PDXK: variants seen among roughly 807,000 people sequenced by gnomAD.
PDXK encodes the protein pyridoxal kinase, also known as epididymis secretory sperm binding protein Li 1a.
PDXK carries 15 observed loss-of-function variants against 43.2 expected under a neutral mutation model. The ratio of observed to expected loss-of-function variants is 0.35; its 90% CI spans 0.23 to 0.53. The LOEUF (loss-of-function observed/expected upper bound fraction) is 0.53. PDXK is among the 20% of genes least tolerant of loss of function. PDXK has a pLI of 0.92. For synonymous variants in PDXK, 172 were observed against 165.4 expected (o/e 1.04, Z -0.31); for missense variants, 343 against 417.0 (o/e 0.82, Z 1.54).
chr21:43,733,933 C>G lies in PDXK; in HGVS notation c.88-136C>G, dbSNP rs1010194212. Reference sequence around the variant, plus strand: ...AGAGCCTCCTGCTCTGATGCGTCAGCCCTCCAGCCTGCAGCTGGGGGCCCC... The same window carrying G: ...AGAGCCTCCTGCTCTGATGCGTCAGGCCTCCAGCCTGCAGCTGGGGGCCCC... On this transcript the variant is annotated intron_variant, in intron 1 of 10. Transcript: ENST00000291565. The G allele has an allele frequency of 7.2e-5, 56 of 782,296 alleles. No individual in the cohort carries two copies. In the East Asian group the frequency reaches 1.4e-3, roughly 19 times the overall value. The allele number at this position is 782,296 out of a possible 1,614,324, so 48.5% of individuals were successfully genotyped here. A position where few individuals can be genotyped will look rare whatever the true frequency, so the allele number is the denominator to read the frequency against.
At chr21:43,727,553 C>T (rs2083266945) in intron 1 of PDXK, among the ~76,000 whole-genome samples, 1 of 152,202 alleles carries the variant, frequency 6.6e-6, no homozygotes, top group African/African-American at 2.4e-5. Flanking sequence ...CTTGTCCCAT[C>T]TCCTTACCTG....
rs997112105 is a variant in PDXK, at chr21:43,734,516, C to T, written c.142+393C>T. On this transcript the variant is annotated intron_variant, in intron 2 of 10. Coordinates refer to ENST00000291565, the MANE Select transcript of PDXK (RefSeq NM_003681.5). This position sits in a 1 kb window ranked among gnomAD's most constrained non-coding sequence, Gnocchi z 5.0. ...ACCAATGCCTGGCTCAGAGCGCAGC[C>T]GTGTGACTCCTGCTGTCCACCTGCC... Among the ~76,000 whole-genome samples the T allele has an allele frequency of 1.3e-5, 2 of 152,200 alleles. No homozygotes were observed. The highest frequency in any genetic ancestry group is 3.2e-3 in the Middle Eastern group (1 of 316).
chr21:43,736,367 C>T (rs900382094), intron 2 of PDXK, among the ~76,000 whole-genome samples: 2 of 152,208 alleles, frequency 1.3e-5, no homozygotes, highest in Admixed American at 6.5e-5. Flanking sequence ...CGTGGCCCAT[C>T]GTGCGTGCCC....
chr21:43,755,247 G>T (rs1044737840), intron 9 of PDXK, among the ~76,000 whole-genome samples: 51 of 151,386 alleles, frequency 3.4e-4, no homozygotes, highest in African/African-American at 1.1e-3. Flanking sequence ...TGACTCTGAG[G>T]CATCACTGAG....
At chr21:43,727,766 C>G (rs886587063) in intron 1 of PDXK, among the ~76,000 whole-genome samples, 18 of 152,240 alleles carry the variant, frequency 1.2e-4, no homozygotes, top group African/African-American at 3.9e-4. Context: ...GAGGGTGCAG[C>G]GGGTGTGAGG....
rs1375228285 is a variant in PDXK at position 43,735,099 on chromosome 21, A to T, written c.142+976A>T. On this transcript the variant is annotated intron_variant, in intron 2 of 10. Coordinates refer to ENST00000291565, the MANE Select transcript of PDXK (RefSeq NM_003681.5). This position sits in a 1 kb window ranked among gnomAD's most constrained non-coding sequence, Gnocchi z 5.3. ...CAGGCTCCAGCTCTTGGCGGTGCAG[A>T]TGGACAAGCTCCAGCTCTCGCTGAA... 3.3e-5 allele frequency among the ~76,000 whole-genome samples: 5 copies of T among 152,170 alleles called. No homozygotes were observed.
At chr21:43,750,820 ATG>A (rs2147303555) in intron 7 of PDXK, among the ~76,000 whole-genome samples, 1 of 147,330 alleles carries the variant, frequency 6.8e-6, no homozygotes, top group African/African-American at 2.5e-5. Flanking sequence ...GCGCGCACCC[ATG>A]TGTGCATGTG....
chr21:43,748,018 G>C (rs1174554847), intron 5 of PDXK, among the ~76,000 whole-genome samples: 1 of 152,210 alleles, frequency 6.6e-6, no homozygotes, highest in Non-Finnish European at 1.5e-5. Context: ...TGAGCACCAG[G>C]TGCAGACATG....
chr21:43,722,311 C>A (rs1165855417), intron 1 of PDXK, among the ~76,000 whole-genome samples: 2 of 152,204 alleles, frequency 1.3e-5, no homozygotes, highest in African/African-American at 4.8e-5. Flanking sequence ...GTGTGGAAAG[C>A]CTTCCTGGCT....
chr21:43,741,200 G>GTCCCATGT (rs2083503905), intron 2 of PDXK, among the ~76,000 whole-genome samples: 1 of 212 alleles, frequency 4.7e-3, no homozygotes, highest in Non-Finnish European at 0.01. Context: ...GGGGGCTCGC[G>GTCCCATGT]GGGGGGCTCG....
At chr21:43,720,410 G>C (rs2083197692) in intron 1 of PDXK, among the ~76,000 whole-genome samples, 1 of 152,206 alleles carries the variant, frequency 6.6e-6, no homozygotes, top group African/African-American at 2.4e-5. Context: ...GACAGGAAGA[G>C]GGGAGCAGAG....
Position 43,723,384 on chromosome 21 carries a change from C to T in PDXK, c.87+4003C>T, listed in dbSNP as rs1163433635. On this transcript the variant is annotated intron_variant, in intron 1 of 10. Coordinates refer to ENST00000291565, the MANE Select transcript of PDXK (RefSeq NM_003681.5). This position sits in a 1 kb window ranked among gnomAD's most constrained non-coding sequence, Gnocchi z 4.1. ...CTATGTTGGCCAGGCTGGTCTTGAG[C>T]TCCTGACCTCAGGTGATCTGCCTGC... 1 of 152,142 alleles carries T rather than the reference C, an allele frequency of 6.6e-6. No homozygotes were observed. Among genetic ancestry groups the T allele is most frequent in the African/African-American group, 2.4e-5 (1 of 41,410 alleles). 9.4% of individuals were successfully genotyped at this position (152,142 alleles called of 1,614,324 possible). A position where few individuals can be genotyped will look rare whatever the true frequency, so the allele number is the denominator to read the frequency against.
In PDXK at chr21:43,732,389, C is replaced by G. The variant is rs746040836; in HGVS notation, c.88-1680C>G. 12 of 1,612,722 alleles carry G rather than the reference C, an allele frequency of 7.4e-6. No individual in the cohort carries two copies. In the South Asian group the frequency reaches 9.9e-5, roughly 13 times the overall value. On this transcript the variant is annotated intron_variant, in intron 1 of 10. Coordinates refer to ENST00000291565, the MANE Select transcript of PDXK (RefSeq NM_003681.5). The surrounding 1 kb of genome is among the most constrained non-coding windows in gnomAD (Gnocchi z 4.1). The stretch of plus-strand genomic sequence containing the variant: ...GCACATGAAGTTGGATGGGTAGACT[C>G]TGGAAGCGTCCAGACCAGCTTGCGA...
chr21:43,755,076 G>C (rs994535479), intron 9 of PDXK, among the ~76,000 whole-genome samples: 1 of 152,184 alleles, frequency 6.6e-6, no homozygotes, highest in African/African-American at 2.4e-5. Flanking sequence ...ACCCCGAGGA[G>C]GCCTCACTGC....
At chr21:43,743,681 A>G in intron 3 of PDXK, 43 bp from the exon 4 acceptor site, 2 of 1,328,836 alleles carry the variant, frequency 1.5e-6, no homozygotes, top group Non-Finnish European at 2.2e-6. Flanking sequence ...GATCGTGGTG[A>G]GTCTCCTGTT....
Position 43,737,812 on chromosome 21 carries a change from A to T in PDXK, c.142+3689A>T. The T allele has an allele frequency of 1.0e-6, 1 of 985,496 alleles. No homozygotes were observed. Among genetic ancestry groups the T allele is most frequent in the Non-Finnish European group, 1.2e-6 (1 of 829,950 alleles). The allele number at this position is 985,496 out of a possible 1,614,324, so 61.0% of individuals were successfully genotyped here. On this transcript the variant is annotated intron_variant, in intron 2 of 10. Coordinates refer to ENST00000291565, the MANE Select transcript of PDXK (RefSeq NM_003681.5). This position sits in a 1 kb window ranked among gnomAD's most constrained non-coding sequence, Gnocchi z 4.8. ...AGTGCCAGGCTCCTTGGGCCGCCCG[A>T]GGAACCGCTTGTTTGCCTGTGCTTT...
chr21:43,745,629 T>TA (rs2083626034), intron 4 of PDXK: 1 of 173,346 alleles, frequency 5.8e-6, no homozygotes, highest in Non-Finnish European at 1.3e-5. Flanking sequence ...AAGATTATGG[T>TA]ATATATTTTT....
chr21:43,737,354 G>T lies in PDXK; in HGVS notation c.142+3231G>T. Reference sequence around the variant, plus strand: ...GGCCAGGCCCCCGTTCCTTGAGGCCGTACCACAAGGTGCGTTCATTTTTCC... The same window carrying T: ...GGCCAGGCCCCCGTTCCTTGAGGCCTTACCACAAGGTGCGTTCATTTTTCC... On this transcript the variant is annotated intron_variant, in intron 2 of 10. Transcript: ENST00000291565. The surrounding 1 kb of genome is among the most constrained non-coding windows in gnomAD (Gnocchi z 4.8). 7.8e-7 allele frequency: 1 copy of T among 1,286,414 alleles called. No individual in the cohort carries two copies. Among genetic ancestry groups the T allele is most frequent in the South Asian group, 1.7e-5 (1 of 57,268 alleles). 79.7% of individuals were successfully genotyped at this position (1,286,414 alleles called of 1,614,324 possible).
In PDXK at chr21:43,732,258, A is replaced by G. The variant is rs1452634201; in HGVS notation, c.88-1811A>G. ...GAGCGCTGGCTTCCAGCTGAAGGACATGTGTAACAGCAGGAGATACCTTTC... is the reference window on the plus strand; with the variant it reads ...GAGCGCTGGCTTCCAGCTGAAGGACGTGTGTAACAGCAGGAGATACCTTTC... On this transcript the variant is annotated intron_variant, in intron 1 of 10. Transcript: ENST00000291565. This position sits in a 1 kb window ranked among gnomAD's most constrained non-coding sequence, Gnocchi z 4.1. The G allele has an allele frequency of 5.3e-6, 8 of 1,497,134 alleles. No homozygotes were observed. The highest frequency in any genetic ancestry group is 7.1e-6 in the Non-Finnish European group (8 of 1,127,478). The allele number at this position is 1,497,134 out of a possible 1,614,324, so 92.7% of individuals were successfully genotyped here.
Sources: allele counts gnomAD v4.1 joint callset (sites outside exome capture counted in the v4.1 genomes callset), GRCh38; gene constraint gnomAD v4.1.1; non-coding constraint Gnocchi (gnomAD v3.1); transcripts MANE v1.5; gene names NCBI Gene and HGNC (gene_info 2026-07-23, HGNC 2026-07-21).